Variants in ENG observed in about 807,000 individuals in gnomAD.
ENG encodes the protein CD105 antigen.
Under a neutral mutation model 71.0 loss-of-function variants are expected in ENG, and 17 were observed. The ratio of observed to expected loss-of-function variants is 0.24; its 90% CI spans 0.16 to 0.36. The LOEUF is 0.36. Among genes scored for constraint, ENG ranks in the 10% least tolerant of loss-of-function variants. The pLI, the probability that ENG is intolerant of heterozygous loss-of-function variation, is 1.00. For missense variants in ENG, 749 were observed against 868.3 expected, an observed-to-expected ratio of 0.86 and a Z score of 1.73; for synonymous variants, 360 against 366.9, an observed-to-expected ratio of 0.98 and a Z score of 0.21.
chr9:127,817,529 C>T (rs946417286), intron 12 of ENG, among the ~76,000 whole-genome samples: 1 of 152,142 alleles, frequency 6.6e-6, no homozygotes, highest in South Asian at 2.1e-4. Flanking sequence ...CCCAGGCTCA[C>T]TCTGGCTGGA....
chr9:127,824,786 G>A lies in ENG; in HGVS notation c.991+14C>T, dbSNP rs1457569488. 8 of 1,539,978 alleles carry A rather than the reference G, an allele frequency of 5.2e-6. No individual in the cohort carries two copies. The South Asian group carries it at 1.0e-4, about 19-fold the overall frequency. ...GAGGGGAAGGGAAGGGAGGGGCAGG[G>A]GAAGGGTGCTCACCGCAGCTGGAGG... On this transcript the variant is annotated intron_variant, in intron 7 of 14. Transcript: ENST00000373203.
At chr9:127,837,247 C>T (rs947911637) in intron 2 of ENG, among the ~76,000 whole-genome samples, 11 of 152,174 alleles carry the variant, frequency 7.2e-5, no homozygotes, top group African/African-American at 2.4e-4. Flanking sequence ...GGCATCCTAT[C>T]TCTGAGCCTC....
chr9:127,832,220 G>A (rs997891870), intron 2 of ENG, among the ~76,000 whole-genome samples: 2 of 151,564 alleles, frequency 1.3e-5, no homozygotes, highest in African/African-American at 2.4e-5. Context: ...GACTACAGGC[G>A]ATTGCCACCA....
rs143896157 is a variant in ENG, at chr9:127,821,723, A to G, written c.1135-1686T>C. On this transcript the variant is annotated intron_variant, in intron 8 of 14. Transcript: ENST00000373203. ...AAACCCCGTCTCTGCTAAAAAAAAAAATACAAAAAATAAGCCAAGAGTGGT... is the reference window on the plus strand; with the variant it reads ...AAACCCCGTCTCTGCTAAAAAAAAAGATACAAAAAATAAGCCAAGAGTGGT... 1.4e-3 allele frequency among the ~76,000 whole-genome samples: 205 copies of G among 151,684 alleles called. 5 individuals are homozygous for G. The East Asian group carries it at 0.028, about 20-fold the overall frequency.
chr9:127,822,863 T>C (rs993351100), intron 8 of ENG, among the ~76,000 whole-genome samples: 1 of 152,188 alleles, frequency 6.6e-6, no homozygotes. Context: ...TTGTTTGAAA[T>C]GGAGTCTCGC....
rs1830629079 is a variant in ENG, at chr9:127,826,782, A to AGAG, written c.361-113_361-111dup. Reference sequence around the variant, plus strand: ...GGAGTCAGCCCATTGGCTGAGAGAAAGAGGCCGGAGCTGAGAATGCTGGCT... The same window carrying AGAG: ...GGAGTCAGCCCATTGGCTGAGAGAAAGAGGAGGCCGGAGCTGAGAATGCTGGCT... On this transcript the variant is annotated intron_variant, in intron 3 of 14. Coordinates refer to ENST00000373203, the MANE Select transcript of ENG (RefSeq NM_001114753.3). 2.8e-6 allele frequency: 4 copies of AGAG among 1,412,392 alleles called. No individual in the cohort carries two copies. In the African/African-American group the frequency reaches 5.7e-5, roughly 20 times the overall value. The allele number at this position is 1,412,392 out of a possible 1,614,324, so 87.5% of individuals were successfully genotyped here. A position where few individuals can be genotyped will look rare whatever the true frequency, so the allele number is the denominator to read the frequency against.
intron 10 of ENG, 86 bp from the exon 11 acceptor site, chr9:127,818,918 C>G (rs1026910658): frequency 3.0e-5 from 35 of 1,162,414 alleles, no homozygotes; most frequent in Middle Eastern, 2.7e-4. Flanking sequence ...GGCATCATGG[C>G]CCTGTGGAGT....
intron 8 of ENG, among the ~76,000 whole-genome samples, chr9:127,820,506 T>G (rs68174291): frequency 0.18 from 26,493 of 150,840 alleles, 2,600 homozygotes; most frequent in East Asian, 0.3. Flanking sequence ...TTTTCTTATA[T>G]CTATCAAAAT....
At chr9:127,827,016 T>C (rs184143177) in intron 3 of ENG, 7 of 334,240 alleles carry the variant, frequency 2.1e-5, no homozygotes, top group African/African-American at 1.5e-4. Context: ...CTCCCTACAC[T>C]GTGAGGGTCT....
intron 3 of ENG, among the ~76,000 whole-genome samples, chr9:127,827,365 G>A (rs760531489): frequency 6.6e-6 from 1 of 152,218 alleles, no homozygotes; most frequent in Non-Finnish European, 1.5e-5. Context: ...AAACAAAGGA[G>A]CCAGACAGAT....
rs1197652465 is a variant in ENG at position 127,836,714 on chromosome 9, C to T, written c.219+6380G>A. Among the ~76,000 whole-genome samples, 1 of 152,268 alleles carries T rather than the reference C, an allele frequency of 6.6e-6. No individual in the cohort carries two copies. Among genetic ancestry groups the T allele is most frequent in the East Asian group, 1.9e-4 (1 of 5,206 alleles). ...GATTTGGAAAATGGTATTCCCACTT[C>T]ATTGACTTATGAGGTTTCAGTGCAA... On this transcript the variant is annotated intron_variant, in intron 2 of 14. Coordinates refer to ENST00000373203, the MANE Select transcript of ENG (RefSeq NM_001114753.3). The surrounding 1 kb of genome is among the most constrained non-coding windows in gnomAD (Gnocchi z 4.0).
Position 127,836,219 on chromosome 9 carries a change from T to A in ENG, c.220-6392A>T, listed in dbSNP as rs528449891. ...GCCCCCAACCCCAAGCTCCCAGCCT[T>A]CCTCATGGGACCCTGGGAATTCCGC... On this transcript the variant is annotated intron_variant, in intron 2 of 14. Coordinates refer to ENST00000373203, the MANE Select transcript of ENG (RefSeq NM_001114753.3). This position sits in a 1 kb window ranked among gnomAD's most constrained non-coding sequence, Gnocchi z 4.0. Among the ~76,000 whole-genome samples the A allele has an allele frequency of 3.9e-5, 6 of 152,152 alleles. No individual in the cohort carries two copies. Among genetic ancestry groups the A allele is most frequent in the Non-Finnish European group, 5.9e-5 (4 of 68,008 alleles).
Position 127,825,249 on chromosome 9 carries a change from G to A in ENG, c.798C>T (p.Asn266=). ...AACTCACCCAGATCTGCATGTTGTG[G>A]TTGGCGTCGATGAGCCAGGACACGT... ...PPYVSWLIDA[N]HNMQIWTTGE... Residue 266 remains asparagine (N), a synonymous_variant, in exon 6 of 15, where the codon AAC becomes AAT. Transcript: ENST00000373203. 2.5e-6 allele frequency: 4 copies of A among 1,613,014 alleles called. No homozygotes were observed. Among genetic ancestry groups the A allele is most frequent in the Non-Finnish European group, 3.4e-6 (4 of 1,179,826 alleles).
At chr9:127,848,692 C>T (rs1180906280) in intron 1 of ENG, among the ~76,000 whole-genome samples, 2 of 152,186 alleles carry the variant, frequency 1.3e-5, no homozygotes, top group Admixed American at 1.3e-4. Flanking sequence ...GAGAACCAGA[C>T]CATACATGCC....
chr9:127,843,333 C>T, intron 1 of ENG, 88 bp from the exon 2 acceptor site: 1 of 1,562,918 alleles, frequency 6.4e-7, no homozygotes, highest in Middle Eastern at 1.7e-4. Context: ...AGGGACTTGA[C>T]ATGAGCTAAC....
At chr9:127,828,867 C>G (rs1315585596) in intron 3 of ENG, among the ~76,000 whole-genome samples, 1 of 152,096 alleles carries the variant, frequency 6.6e-6, no homozygotes, top group Non-Finnish European at 1.5e-5. Context: ...CCTTTGCTAT[C>G]TTTGCTCTCC....
rs149590262 is a variant in ENG at position 127,824,837 on chromosome 9, C to T, written c.954G>A (p.Pro318=). 358 of 1,594,504 alleles carry T rather than the reference C, an allele frequency of 2.2e-4. No homozygotes were observed. The highest frequency in any genetic ancestry group is 2.8e-4 in the Non-Finnish European group (324 of 1,170,670). ...ASIVASFVEL[P]LASIVSLHAS... ...CATGAAGTGAGACAATGCTGGCCAG[C>T]GGTAGCTCCACGAAGGATGCCACAA... The change falls in exon 7 of 15, where the codon CCG becomes CCA. Residue 318 remains proline, a synonymous_variant. Transcript: ENST00000373203.
Position 127,826,505 on chromosome 9 carries a change from C to A in ENG, c.523+5G>T. ...GAGCCCAGAGAGGTTGCTGGGGAAA[C>A]TGACCTTGGCCCAGTCGGAGGAGGA... On this transcript the variant is annotated splice_donor_5th_base_variant and intron_variant, in intron 4 of 14. Transcript: ENST00000373203. 1 of 1,614,042 alleles carries A rather than the reference C, an allele frequency of 6.2e-7. No individual in the cohort carries two copies. The highest frequency in any genetic ancestry group is 8.5e-7 in the Non-Finnish European group (1 of 1,179,956).
chr9:127,835,533 G>A (rs1035049721), intron 2 of ENG, among the ~76,000 whole-genome samples: 1 of 152,146 alleles, frequency 6.6e-6, no homozygotes, highest in Admixed American at 6.5e-5. Context: ...ACAGCCTGTG[G>A]TGCATGAGGA....
Sources: gnomAD v4.1 joint callset for allele counts (sites outside exome capture counted in the v4.1 genomes callset) on GRCh38, gnomAD v4.1.1 for gene constraint, Gnocchi (gnomAD v3.1) non-coding constraint, MANE v1.5 for transcripts, NCBI Gene and HGNC (gene_info 2026-07-23, HGNC 2026-07-21) for gene names.